Variants in FHIT observed in about 807,000 individuals in gnomAD.
FHIT encodes bis(5'-adenosyl)-triphosphatase.
Under a neutral mutation model 17.9 loss-of-function variants are expected in FHIT, and 19 were observed. That is an observed-to-expected ratio of 1.06 (90% confidence interval 0.74 to 1.56). FHIT has a LOEUF of 1.56. FHIT is among the 40% of genes most tolerant of loss of function. FHIT has a pLI of 0.00. For synonymous variants in FHIT, 81 were observed against 69.7 expected (o/e 1.16, Z -0.81); for missense variants, 248 against 189.2 (o/e 1.31, Z -1.82).
chr3:60,431,015 C>T (rs1702871614), intron 5 of FHIT, among the ~76,000 whole-genome samples: 1 of 151,978 alleles, frequency 6.6e-6, no homozygotes. Flanking sequence ...AGTTCAAGAC[C>T]AGCCTGGACA....
intron 2 of FHIT, among the ~76,000 whole-genome samples, chr3:61,078,344 TAGAC>T (rs2035032149): frequency 1.3e-5 from 2 of 152,104 alleles, no homozygotes; most frequent in Non-Finnish European, 2.9e-5. Context: ...GGATAAACAA[TAGAC>T]AGGGTATTAG....
chr3:60,936,341 G>A (rs1708188605), intron 3 of FHIT, among the ~76,000 whole-genome samples: 1 of 152,142 alleles, frequency 6.6e-6, no homozygotes, highest in Non-Finnish European at 1.5e-5. Context: ...AAAAAAAGTA[G>A]TTCTGAAAAC....
At chr3:60,489,993 G>A (rs1007873150) in intron 5 of FHIT, among the ~76,000 whole-genome samples, 15 of 152,046 alleles carry the variant, frequency 9.9e-5, no homozygotes, top group African/African-American at 3.6e-4. Context: ...CATCCTTACA[G>A]CTTTCACATT....
At chr3:60,723,691 C>T (rs1249547699) in intron 4 of FHIT, among the ~76,000 whole-genome samples, 1 of 152,222 alleles carries the variant, frequency 6.6e-6, no homozygotes, top group Admixed American at 6.5e-5. Context: ...GTTGATTTTA[C>T]TTTGTGTTCT....
At chr3:59,976,981 G>A (rs1456145916) in intron 7 of FHIT, among the ~76,000 whole-genome samples, 3 of 152,090 alleles carry the variant, frequency 2.0e-5, no homozygotes, top group Non-Finnish European at 4.4e-5. Flanking sequence ...CACACCACCT[G>A]GTTGGGGTTG....
Position 60,167,407 on chromosome 3 carries a change from T to C in FHIT, c.104-153255A>G, listed in dbSNP as rs1576238151. Among the ~76,000 whole-genome samples, 5 of 152,332 alleles carry C rather than the reference T, an allele frequency of 3.3e-5. No individual in the cohort carries two copies. In the South Asian group the frequency reaches 8.3e-4, roughly 25 times the overall value. On this transcript the variant is annotated intron_variant, in intron 5 of 9. Coordinates refer to ENST00000492590, the MANE Select transcript of FHIT (RefSeq NM_002012.4). ...ATGTAAATATATCCATATATACACA[T>C]GCATATGTGTACACACACACACATA...
At chr3:60,355,181 C>T (rs142820822) in intron 5 of FHIT, among the ~76,000 whole-genome samples, 138 of 152,198 alleles carry the variant, frequency 9.1e-4, no homozygotes, top group Middle Eastern at 6.8e-3. Context: ...AACCTCCACT[C>T]GTCATGTAAC....
intron 5 of FHIT, among the ~76,000 whole-genome samples, chr3:60,419,098 T>C (rs1702377251): frequency 6.6e-6 from 1 of 152,176 alleles, no homozygotes; most frequent in Non-Finnish European, 1.5e-5. Flanking sequence ...GTTTGGAACA[T>C]GTGCCGTGCA....
intron 5 of FHIT, among the ~76,000 whole-genome samples, chr3:60,535,153 G>A (rs949657851): frequency 6.6e-6 from 1 of 152,184 alleles, no homozygotes; most frequent in Non-Finnish European, 1.5e-5. Context: ...GAACCCGGGA[G>A]GCAGAGATTG....
At chr3:60,525,165 C>G (rs915107510) in intron 5 of FHIT, among the ~76,000 whole-genome samples, 2 of 152,054 alleles carry the variant, frequency 1.3e-5, no homozygotes, top group Non-Finnish European at 2.9e-5. Flanking sequence ...TGCTGCCATG[C>G]AAAAAAGTTC....
At chr3:59,925,302 C>T (rs1223849369) in intron 7 of FHIT, among the ~76,000 whole-genome samples, 1 of 152,022 alleles carries the variant, frequency 6.6e-6, no homozygotes, top group Non-Finnish European at 1.5e-5. Context: ...ATGGAGTTCT[C>T]ACTATGTTGC....
chr3:60,040,996 A>G (rs1308913891), intron 5 of FHIT, among the ~76,000 whole-genome samples: 4 of 152,188 alleles, frequency 2.6e-5, no homozygotes, highest in African/African-American at 9.7e-5. Context: ...GGGGGTTTAC[A>G]AAGGAGATAA....
chr3:61,079,052 T>G (rs751271764), intron 2 of FHIT, among the ~76,000 whole-genome samples: 3 of 152,194 alleles, frequency 2.0e-5, no homozygotes, highest in Non-Finnish European at 4.4e-5. Flanking sequence ...TAATATTTAG[T>G]TCTCACTATG....
At chr3:60,653,466 G>A (rs1290496028) in intron 4 of FHIT, among the ~76,000 whole-genome samples, 12 of 151,494 alleles carry the variant, frequency 7.9e-5, no homozygotes, top group African/African-American at 2.9e-4. Context: ...CAATTCAGGA[G>A]GTCTAAGGAT....
chr3:60,123,924 G>C (rs938491966), intron 5 of FHIT, among the ~76,000 whole-genome samples: 15 of 135,742 alleles, frequency 1.1e-4, no homozygotes, highest in African/African-American at 4.2e-4. Flanking sequence ...CCACGACTTA[G>C]TTTTGTCTGA....
chr3:60,226,064 A>C (rs1033968461), intron 5 of FHIT, among the ~76,000 whole-genome samples: 2 of 152,144 alleles, frequency 1.3e-5, no homozygotes, highest in African/African-American at 4.8e-5. Context: ...ACAGGGAGAG[A>C]AAGGGTGAGG....
At chr3:60,107,236 A>C (rs1027981864) in intron 5 of FHIT, among the ~76,000 whole-genome samples, 1 of 148,882 alleles carries the variant, frequency 6.7e-6, no homozygotes, top group Non-Finnish European at 1.5e-5. Context: ...ATGTGCATAG[A>C]TAAAACTTTG....
chr3:61,034,495 G>GA (rs1372829520), intron 3 of FHIT, among the ~76,000 whole-genome samples: 6 of 152,010 alleles, frequency 3.9e-5, no homozygotes, highest in Admixed American at 1.3e-4. Flanking sequence ...CATTTCTCCA[G>GA]AAAAAACATG....
Position 60,219,682 on chromosome 3 carries a change from TG to T in FHIT, c.104-205531del, listed in dbSNP as rs141576735. ...CTTCCCTGTCCCCCTTCATTAATCT[TG>T]GGAAAATAAACTATCTGTTTCTCCT... On this transcript the variant is annotated intron_variant, in intron 5 of 9. Transcript: ENST00000492590. Among the ~76,000 whole-genome samples the T allele has an allele frequency of 5.8e-3, 878 of 152,266 alleles. 5 individuals carry two copies. Among genetic ancestry groups the T allele is most frequent in the Middle Eastern group, 0.024 (7 of 294 alleles).
Sources: allele counts gnomAD v4.1 joint callset (sites outside exome capture counted in the v4.1 genomes callset), GRCh38; gene constraint gnomAD v4.1.1; transcripts MANE v1.5; gene names NCBI Gene and HGNC (gene_info 2026-07-23, HGNC 2026-07-21).